The following GRID2 variants were observed in gnomAD, a reference collection of about 807,000 sequenced individuals.
GRID2 encodes glutamate ionotropic receptor delta type subunit 2.
Under a neutral mutation model 114.8 loss-of-function variants are expected in GRID2, and 33 were observed. That is an observed-to-expected ratio of 0.29 (90% CI 0.22 to 0.38). The LOEUF is 0.38. Among genes scored for constraint, GRID2 ranks in the 10% least tolerant of loss-of-function variants. The probability of loss-of-function intolerance (pLI) is 1.00; values close to 1 mark genes in which losing one functional copy is unlikely to be tolerated. For missense variants in GRID2, 1,184 were observed against 1,257.7 expected (o/e 0.94, Z 0.89); for synonymous variants, 505 against 449.9 (o/e 1.12, Z -1.55).
intron 1 of GRID2, among the ~76,000 whole-genome samples, chr4:92,428,282 A>ATAC (rs1206762622): frequency 6.6e-6 from 1 of 152,024 alleles, no homozygotes; most frequent in East Asian, 1.9e-4. Context: ...AATAATAATA[A>ATAC]TAATAGTTTT....
At chr4:92,307,432 T>C (rs1300287557) in intron 1 of GRID2, among the ~76,000 whole-genome samples, 1 of 152,126 alleles carries the variant, frequency 6.6e-6, no homozygotes. Flanking sequence ...ACTGGAAAGA[T>C]GAAAAGACAC....
At chr4:93,718,607 C>G (rs1417572232) in intron 14 of GRID2, among the ~76,000 whole-genome samples, 1 of 152,100 alleles carries the variant, frequency 6.6e-6, no homozygotes, top group African/African-American at 2.4e-5. Context: ...ACAGTAGCTA[C>G]TCAGTAAATA....
chr4:93,715,385 T>C (rs1728822333), intron 14 of GRID2, among the ~76,000 whole-genome samples: 1 of 152,212 alleles, frequency 6.6e-6, no homozygotes, highest in Admixed American at 6.5e-5. Context: ...GCTTTGTTCT[T>C]TTTGCTTAGG....
At chr4:92,686,428 A>G (rs1281977448) in intron 2 of GRID2, among the ~76,000 whole-genome samples, 4 of 152,114 alleles carry the variant, frequency 2.6e-5, no homozygotes, top group African/African-American at 7.2e-5. Context: ...TATATCTCCA[A>G]TGTTATCAAA....
At chr4:93,299,768 T>C (rs1388516092) in intron 8 of GRID2, among the ~76,000 whole-genome samples, 1 of 152,160 alleles carries the variant, frequency 6.6e-6, no homozygotes, top group Non-Finnish European at 1.5e-5. Flanking sequence ...CAATCTGTAT[T>C]TTTAAATCAT....
intron 7 of GRID2, among the ~76,000 whole-genome samples, chr4:93,234,028 A>G (rs1428153991): frequency 2.0e-5 from 3 of 152,166 alleles, no homozygotes; most frequent in Non-Finnish European, 4.4e-5. Context: ...TTAAAGCACT[A>G]TGTATCATTT....
At chr4:92,989,188 A>T (rs1002136186) in intron 2 of GRID2, among the ~76,000 whole-genome samples, 1 of 150,800 alleles carries the variant, frequency 6.6e-6, no homozygotes, top group Non-Finnish European at 1.5e-5. Context: ...GAGGCAGAAG[A>T]ATGGCGTGAA....
intron 10 of GRID2, among the ~76,000 whole-genome samples, chr4:93,448,695 A>G (rs908931706): frequency 6.6e-6 from 1 of 152,080 alleles, no homozygotes; most frequent in Non-Finnish European, 1.5e-5. Flanking sequence ...AGAAAAAGAA[A>G]CAAAAATTAT....
At chr4:92,903,854 C>T (rs1747759142) in intron 2 of GRID2, among the ~76,000 whole-genome samples, 3 of 151,878 alleles carry the variant, frequency 2.0e-5, no homozygotes, top group Admixed American at 6.6e-5. Flanking sequence ...CCTCAATGTG[C>T]TCATAGTATA....
intron 1 of GRID2, among the ~76,000 whole-genome samples, chr4:92,335,029 T>G (rs1579197145): frequency 6.6e-6 from 1 of 152,366 alleles, no homozygotes; most frequent in South Asian, 2.1e-4. Context: ...GAATTTGAAC[T>G]GATACAATAG....
chr4:93,186,296 T>C (rs559113115), intron 4 of GRID2, among the ~76,000 whole-genome samples: 3 of 152,290 alleles, frequency 2.0e-5, no homozygotes, highest in Admixed American at 1.3e-4. Flanking sequence ...TTTCTAGTTC[T>C]AGATCCTTGA....
intron 8 of GRID2, among the ~76,000 whole-genome samples, chr4:93,370,835 C>T (rs1377302370): frequency 6.6e-6 from 1 of 152,140 alleles, no homozygotes; most frequent in Non-Finnish European, 1.5e-5. Context: ...TGGGTCTTAT[C>T]TATCTTTACA....
At chr4:92,418,583 A>T (rs1731736327) in intron 1 of GRID2, among the ~76,000 whole-genome samples, 1 of 152,098 alleles carries the variant, frequency 6.6e-6, no homozygotes, top group Non-Finnish European at 1.5e-5. Context: ...TCAGAGATTT[A>T]AATATGAGAC....
chr4:93,364,496 G>C (rs1012051242), intron 8 of GRID2, among the ~76,000 whole-genome samples: 17 of 151,860 alleles, frequency 1.1e-4, no homozygotes, highest in African/African-American at 3.6e-4. Context: ...TTAGAGACAA[G>C]AGTCTTGCTC....
intron 1 of GRID2, among the ~76,000 whole-genome samples, chr4:92,408,717 G>T (rs1381000283): frequency 6.6e-6 from 1 of 151,286 alleles, no homozygotes; most frequent in Non-Finnish European, 1.5e-5. Flanking sequence ...AAACTCCTAG[G>T]TATTTCATTT....
intron 3 of GRID2, among the ~76,000 whole-genome samples, chr4:93,099,396 T>C (rs1035212387): frequency 6.6e-6 from 1 of 151,984 alleles, no homozygotes; most frequent in Non-Finnish European, 1.5e-5. Context: ...CTGTTATTTT[T>C]CTTATAGTTT....
intron 8 of GRID2, among the ~76,000 whole-genome samples, chr4:93,350,936 A>G (rs902222196): frequency 1.6e-4 from 25 of 152,104 alleles, no homozygotes; most frequent in African/African-American, 6.0e-4. Context: ...AGGACTCACA[A>G]TCATGGCAGA....
In GRID2 at chr4:93,137,477, G is replaced by A. The variant is rs893907750; in HGVS notation, c.735+26524G>A. ...ATTTTAGGCCTAGAAGGAACCTATA[G>A]GACAGCTCTGTCAATATCATCTAAG... On this transcript the variant is annotated intron_variant, in intron 4 of 15. Coordinates refer to ENST00000282020, the MANE Select transcript of GRID2 (RefSeq NM_001510.4). Among the ~76,000 whole-genome samples, 3 of 152,102 alleles carry A rather than the reference G, an allele frequency of 2.0e-5. No individual in the cohort carries two copies. In the East Asian group the frequency reaches 5.8e-4, roughly 30 times the overall value.
intron 14 of GRID2, among the ~76,000 whole-genome samples, chr4:93,627,646 T>G (rs1742845153): frequency 6.6e-6 from 1 of 152,242 alleles, no homozygotes; most frequent in South Asian, 2.1e-4. Context: ...TGCAAGCTTC[T>G]CATTCCAAGG....
Sources: gnomAD v4.1 joint callset for allele counts (sites outside exome capture counted in the v4.1 genomes callset) on GRCh38, gnomAD v4.1.1 for gene constraint, MANE v1.5 for transcripts, NCBI Gene and HGNC (gene_info 2026-07-23, HGNC 2026-07-21) for gene names.